DNM2: variants seen among roughly 807,000 people sequenced by gnomAD.
DNM2 encodes the protein dynamin 2.
Under a neutral mutation model 99.0 loss-of-function variants are expected in DNM2, and 15 were observed. That is an observed-to-expected ratio of 0.15 (90% CI 0.10 to 0.23). The LOEUF (loss-of-function observed/expected upper bound fraction) is 0.23, where lower values mean the gene tolerates loss of function less well. Ranked by LOEUF, DNM2 falls within the 10% of genes least tolerant of loss-of-function variation. The probability of loss-of-function intolerance (pLI) is 1.00; values close to 1 mark genes in which losing one functional copy is unlikely to be tolerated. For missense variants in DNM2, 742 were observed against 1,189.4 expected, an observed-to-expected ratio of 0.62 and a Z score of 5.53; for synonymous variants, 525 against 481.2, an observed-to-expected ratio of 1.09 and a Z score of -1.19.
rs2072848559 is a variant in DNM2 at position 10,818,450 on chromosome 19, T to C, written c.1672-1530T>C. 6.6e-6 allele frequency among the ~76,000 whole-genome samples: 1 copy of C among 152,146 alleles called. No homozygotes were observed. The highest frequency in any genetic ancestry group is 1.5e-5 in the Non-Finnish European group (1 of 68,014). On this transcript the variant is annotated intron_variant, in intron 15 of 20. Coordinates refer to ENST00000389253, the MANE Select transcript of DNM2 (RefSeq NM_001005361.3). The surrounding 1 kb of genome is among the most constrained non-coding windows in gnomAD (Gnocchi z 4.3). The stretch of plus-strand genomic sequence containing the variant: ...CCTTGGATAGATGAGGAAACTGAGA[T>C]GAAATGGGAGGTGGCGGGGAAGTGG...
chr19:10,816,158 C>T lies in DNM2; in HGVS notation c.1671+3781C>T, dbSNP rs1473102378. 6.6e-6 allele frequency among the ~76,000 whole-genome samples: 1 copy of T among 152,010 alleles called. No homozygotes were observed. Among genetic ancestry groups the T allele is most frequent in the Non-Finnish European group, 1.5e-5 (1 of 67,976 alleles). Reference sequence around the variant, plus strand: ...TGGAGGCTTCCCCAGTGCACGTCTGCGGGCCCATGCTCCCTGACCTGAGGG... The same window carrying T: ...TGGAGGCTTCCCCAGTGCACGTCTGTGGGCCCATGCTCCCTGACCTGAGGG... On this transcript the variant is annotated intron_variant, in intron 15 of 20. Coordinates refer to ENST00000389253, the MANE Select transcript of DNM2 (RefSeq NM_001005361.3). The surrounding 1 kb of genome is among the most constrained non-coding windows in gnomAD (Gnocchi z 4.6).
At chr19:10,738,441 A>T (rs2145747152) in intron 1 of DNM2, among the ~76,000 whole-genome samples, 1 of 151,062 alleles carries the variant, frequency 6.6e-6, no homozygotes, top group Non-Finnish European at 1.5e-5. Context: ...ATATAGTGAG[A>T]CCTCATGTCA....
intron 1 of DNM2, among the ~76,000 whole-genome samples, chr19:10,749,427 G>A (rs1050219543): frequency 3.3e-5 from 5 of 152,218 alleles, no homozygotes; most frequent in Admixed American, 1.3e-4. Flanking sequence ...TTCCTGGAGC[G>A]CTTATCCCCT....
In DNM2 at chr19:10,775,610, C is replaced by T; in HGVS notation, c.386-93C>T. On this transcript the variant is annotated intron_variant, in intron 3 of 20. Coordinates refer to ENST00000389253, the MANE Select transcript of DNM2 (RefSeq NM_001005361.3). This position sits in a 1 kb window ranked among gnomAD's most constrained non-coding sequence, Gnocchi z 4.3. Reference sequence around the variant, plus strand: ...GACATCCTCAAGTCTGAGCCCCGCGCAGGAACTTTGGTAGTCAGCTGGGTG... The same window carrying T: ...GACATCCTCAAGTCTGAGCCCCGCGTAGGAACTTTGGTAGTCAGCTGGGTG... 1 of 1,425,506 alleles carries T rather than the reference C, an allele frequency of 7.0e-7. No individual in the cohort carries two copies. The highest frequency in any genetic ancestry group is 9.9e-7 in the Non-Finnish European group (1 of 1,011,146). 88.3% of individuals were successfully genotyped at this position (1,425,506 alleles called of 1,614,324 possible).
chr19:10,738,261 A>G (rs1283414262), intron 1 of DNM2, among the ~76,000 whole-genome samples: 1 of 151,222 alleles, frequency 6.6e-6, no homozygotes, highest in East Asian at 1.9e-4. Context: ...CCATCTCAAA[A>G]AATAAATAAA....
At chr19:10,734,638 CAAAAAA>C (rs61458566) in intron 1 of DNM2, among the ~76,000 whole-genome samples, 2 of 58,532 alleles carry the variant, frequency 3.4e-5, no homozygotes, top group African/African-American at 1.4e-4. Context: ...GACCCTGTCT[CAAAAAA>C]AAAAAAAAAA....
chr19:10,727,645 C>T lies in DNM2; in HGVS notation c.161+9242C>T, dbSNP rs180692509. 3.3e-3 allele frequency among the ~76,000 whole-genome samples: 510 copies of T among 152,246 alleles called. 4 individuals are homozygous for T. Among genetic ancestry groups the T allele is most frequent in the African/African-American group, 0.012 (488 of 41,544 alleles). Reference sequence around the variant, plus strand: ...TCGGCTTCCCAAAGTGCTGGGATTACAGGCAAGAGCCACGGCACCCGGCCT... The same window carrying T: ...TCGGCTTCCCAAAGTGCTGGGATTATAGGCAAGAGCCACGGCACCCGGCCT... On this transcript the variant is annotated intron_variant, in intron 1 of 20. Coordinates refer to ENST00000389253, the MANE Select transcript of DNM2 (RefSeq NM_001005361.3).
intron 1 of DNM2, among the ~76,000 whole-genome samples, chr19:10,736,011 T>C (rs1315792490): frequency 6.6e-6 from 1 of 152,156 alleles, no homozygotes; most frequent in Admixed American, 6.6e-5. Flanking sequence ...GGCTGACGCC[T>C]GTAATCCTAA....
chr19:10,776,180 C>G lies in DNM2; in HGVS notation c.589+274C>G, dbSNP rs111624191. On this transcript the variant is annotated intron_variant, in intron 4 of 20. Transcript: ENST00000389253. ...GCCTAGGGCTGAAGGAAGGGCCCAGCGCTCCATCGCCCAGATGCGATCTTA... is the reference window on the plus strand; with the variant it reads ...GCCTAGGGCTGAAGGAAGGGCCCAGGGCTCCATCGCCCAGATGCGATCTTA... 3.3e-3 allele frequency among the ~76,000 whole-genome samples: 495 copies of G among 152,266 alleles called. 2 individuals are homozygous for G. Among genetic ancestry groups the G allele is most frequent in the African/African-American group, 0.011 (461 of 41,542 alleles).
At chr19:10,776,917 T>C (rs1341056888) in intron 4 of DNM2, among the ~76,000 whole-genome samples, 1 of 152,216 alleles carries the variant, frequency 6.6e-6, no homozygotes, top group Admixed American at 6.5e-5. Flanking sequence ...CTCACCCTTA[T>C]GACCACCCTG....
chr19:10,809,937 C>T (rs1024040349), intron 14 of DNM2: 11 of 152,614 alleles, frequency 7.2e-5, no homozygotes, highest in African/African-American at 2.4e-4. Flanking sequence ...CATGTGTTCC[C>T]CCCAGTCCCT....
rs1163054238 is a variant in DNM2 at position 10,808,435 on chromosome 19, T to C, written c.1546-134T>C. ...GTAATTTTTTTTCTTTTGCTGTTTT[T>C]TCCCCTGCTCTTCTCTTCTCCTGTT... On this transcript the variant is annotated intron_variant, in intron 13 of 20. Coordinates refer to ENST00000389253, the MANE Select transcript of DNM2 (RefSeq NM_001005361.3). 1.0e-5 allele frequency: 9 copies of C among 900,686 alleles called. 1 individual carries two copies. Among genetic ancestry groups the C allele is most frequent in the Non-Finnish European group, 1.5e-5 (9 of 607,130 alleles). The allele number at this position is 900,686 out of a possible 1,614,324, so 55.8% of individuals were successfully genotyped here.
chr19:10,786,493 G>T, intron 6 of DNM2, 71 bp from the exon 7 acceptor site: 5 of 1,609,106 alleles, frequency 3.1e-6, no homozygotes, highest in Non-Finnish European at 3.4e-6. Flanking sequence ...CTTGGTTGGG[G>T]GGAGTGTGTC....
chr19:10,747,625 C>T (rs2070036760), intron 1 of DNM2, among the ~76,000 whole-genome samples: 1 of 152,154 alleles, frequency 6.6e-6, no homozygotes, highest in Non-Finnish European at 1.5e-5. Flanking sequence ...GCCCATTGTT[C>T]TGCAAGCATT....
intron 1 of DNM2, among the ~76,000 whole-genome samples, chr19:10,759,107 A>G (rs1268234090): frequency 6.6e-6 from 1 of 151,930 alleles, no homozygotes; most frequent in Non-Finnish European, 1.5e-5. Context: ...ACGCCCAGCT[A>G]ATTTTAGTTT....
At chr19:10,751,563 C>T (rs900541817) in intron 1 of DNM2, among the ~76,000 whole-genome samples, 2 of 152,180 alleles carry the variant, frequency 1.3e-5, no homozygotes, top group African/African-American at 4.8e-5. Flanking sequence ...CCCCTGCTCA[C>T]CAAGCTCCTA....
chr19:10,732,790 C>T (rs1045533205), intron 1 of DNM2, among the ~76,000 whole-genome samples: 1 of 152,028 alleles, frequency 6.6e-6, no homozygotes, highest in African/African-American at 2.4e-5. Context: ...CAAACGCTCC[C>T]GCTCCACAGT....
chr19:10,742,142 A>T (rs1201721739), intron 1 of DNM2, among the ~76,000 whole-genome samples: 6 of 151,640 alleles, frequency 4.0e-5, no homozygotes, highest in Non-Finnish European at 8.8e-5. Flanking sequence ...TTTTTAGGTT[A>T]TTTCTAGTTT....
intron 2 of DNM2, among the ~76,000 whole-genome samples, chr19:10,771,917 C>T (rs921111699): frequency 3.3e-5 from 5 of 151,996 alleles, no homozygotes; most frequent in African/African-American, 7.2e-5. Context: ...CACATGGGAA[C>T]GTAATCTTCA....
Sources: allele counts gnomAD v4.1 joint callset (sites outside exome capture counted in the v4.1 genomes callset), GRCh38; gene constraint gnomAD v4.1.1; non-coding constraint Gnocchi (gnomAD v3.1); transcripts MANE v1.5; gene names NCBI Gene and HGNC (gene_info 2026-07-23, HGNC 2026-07-21).